OR4K13: variants seen among roughly 807,000 people sequenced by gnomAD.
OR4K13 encodes the protein olfactory receptor 4K13.
For missense variants in OR4K13, 403 were observed against 366.0 expected (o/e 1.10, Z -0.82); for synonymous variants, 160 against 134.8 (o/e 1.19, Z -1.30).
At position 20,033,915 on chromosome 14, in the gene OR4K13, A is replaced by G; in HGVS notation, c.844T>C (p.Leu282=). Residue 282 remains leucine (L), a synonymous_variant, in exon 2 of 2, where the codon TTA becomes CTA. Transcript: ENST00000641904. ...SVFYTIFTPL[L]NPIIYTLRNQ... is the part of the protein sequence containing the mutation. ...CTTAATGTATAAATAATAGGATTTA[A>G]GAGAGGTGTGAAAATTGTGTAAAAC... is the stretch of plus-strand genomic sequence containing the variant. 1 of 1,595,980 alleles carries G rather than the reference A, an allele frequency of 6.3e-7. No individual in the cohort carries two copies. Among genetic ancestry groups the G allele is most frequent in the Non-Finnish European group, 8.6e-7 (1 of 1,163,708 alleles).
At position 20,034,249 on chromosome 14, in the gene OR4K13, A is replaced by C; in HGVS notation, c.510T>G (p.Gly170=). ...MAFMLTLPFC[G]PNVIDSFFCD... ...AGAAAAAGCTGTCTATAACATTGGG[A>C]CCACAGAAGGGCAAAGTCAACATGA... Residue 170 remains glycine, a synonymous_variant, in exon 2 of 2, where the codon GGT becomes GGG. Coordinates refer to ENST00000641904, the MANE Select transcript of OR4K13 (RefSeq NM_001004714.2). The C allele has an allele frequency of 6.2e-7, 1 of 1,614,174 alleles. No individual in the cohort carries two copies. The highest frequency in any genetic ancestry group is 8.5e-7 in the Non-Finnish European group (1 of 1,180,034).
chr14:20,034,109 G>A lies in OR4K13; in HGVS notation c.650C>T (p.Ser217Phe), dbSNP rs1183363473. Residue 217 changes from serine (S) to phenylalanine (F), a missense_variant, in exon 2 of 2, where the codon TCC becomes TTC. Coordinates refer to ENST00000641904, the MANE Select transcript of OR4K13 (RefSeq NM_001004714.2). ...SLVCFLLLLV[S>F]YGVIIFSVRY... is the part of the protein sequence containing the mutation. The stretch of plus-strand genomic sequence containing the variant: ...AACTGAGAATATTATGACTCCATAG[G>A]AGACAAGCAAGAGGAGGAAGCAGAC... 1.9e-6 allele frequency: 3 copies of A among 1,613,996 alleles called. No homozygotes were observed. The highest frequency in any genetic ancestry group is 2.5e-6 in the Non-Finnish European group (3 of 1,180,028).
rs960843807 is a variant in OR4K13 at position 20,033,158 on chromosome 14, T to C, written c.*686A>G. On this transcript the variant is annotated 3_prime_UTR_variant, in exon 2 of 2. Transcript: ENST00000641904. ...GCTCGATCTATCCATAGGCTGTAAGTTCCTTGAAGGCCTGGCTATATCTTC... is the reference window on the plus strand; with the variant it reads ...GCTCGATCTATCCATAGGCTGTAAGCTCCTTGAAGGCCTGGCTATATCTTC... 6.6e-6 allele frequency: 1 copy of C among 152,244 alleles called. No homozygotes were observed. Among genetic ancestry groups the C allele is most frequent in the Non-Finnish European group, 1.5e-5 (1 of 68,082 alleles). 9.4% of individuals were successfully genotyped at this position (152,244 alleles called of 1,614,324 possible).
rs759397011 is a variant in OR4K13, at chr14:20,034,168, G to A, written c.591C>T (p.Leu197=). The change falls in exon 2 of 2, where the codon CTC becomes CTT. Residue 197 remains leucine (L), a synonymous_variant. Coordinates refer to ENST00000641904, the MANE Select transcript of OR4K13 (RefSeq NM_001004714.2). ...LACKDTYILQ[L]LVIADSGLLS... The stretch of plus-strand genomic sequence containing the variant: ...GGAGCCCACTGTCAGCAATGACCAG[G>A]AGCTGTAGGATGTAGGTGTCCTTGC... 6.2e-7 allele frequency: 1 copy of A among 1,614,130 alleles called. No homozygotes were observed.
In OR4K13 at chr14:20,034,816, A is replaced by G; in HGVS notation, c.-58T>C. The G allele has an allele frequency of 7.4e-7, 1 of 1,358,546 alleles. No individual in the cohort carries two copies. The highest frequency in any genetic ancestry group is 1.0e-6 in the Non-Finnish European group (1 of 991,400). The allele number at this position is 1,358,546 out of a possible 1,614,324, so 84.2% of individuals were successfully genotyped here. On this transcript the variant is annotated 5_prime_UTR_variant, in exon 2 of 2. Transcript: ENST00000641904. ...AGTGAGAATAAGGGGTAGGGAAATG[A>G]TGCATATTGGAAAGAAATGTTCATG... is the stretch of plus-strand genomic sequence containing the variant.
rs1877424084 is a variant in OR4K13, at chr14:20,031,783, C to A, written c.*2061G>T. The A allele has an allele frequency of 6.7e-6, 1 of 149,856 alleles. No homozygotes were observed. The highest frequency in any genetic ancestry group is 2.5e-5 in the African/African-American group (1 of 40,634). 9.3% of individuals were successfully genotyped at this position (149,856 alleles called of 1,614,324 possible). A position where few individuals can be genotyped will look rare whatever the true frequency, so the allele number is the denominator to read the frequency against. On this transcript the variant is annotated 3_prime_UTR_variant, in exon 2 of 2. Transcript: ENST00000641904. Reference sequence around the variant, plus strand: ...CCAGCTGAAGTCTCCCCCGCCTCCCCCCACCCCGAGCCCCCAACACACCCA... The same window carrying A: ...CCAGCTGAAGTCTCCCCCGCCTCCCACCACCCCGAGCCCCCAACACACCCA...
Position 20,034,123 on chromosome 14 carries a change from G to A in OR4K13, c.636C>T (p.Leu212=). 2 of 1,614,102 alleles carry A rather than the reference G, an allele frequency of 1.2e-6. No homozygotes were observed. The highest frequency in any genetic ancestry group is 2.2e-5 in the East Asian group (1 of 44,870). ...DSGLLSLVCF[L]LLLVSYGVII... ...TGACTCCATAGGAGACAAGCAAGAG[G>A]AGGAAGCAGACCAGTGACAGGAGCC... The change falls in exon 2 of 2, where the codon CTC becomes CTT. Residue 212 remains leucine (L), a synonymous_variant. Transcript: ENST00000641904.
At position 20,029,741 on chromosome 14, in the gene OR4K13, T is replaced by A. The variant is rs1877372517; in HGVS notation, c.*4103A>T. Reference sequence around the variant, plus strand: ...GAGTTCGAGACCAGCCTGGCCAATATGACAAAACTTTGTCTCTACCAAAAA... The same window carrying A: ...GAGTTCGAGACCAGCCTGGCCAATAAGACAAAACTTTGTCTCTACCAAAAA... On this transcript the variant is annotated 3_prime_UTR_variant, in exon 2 of 2. Transcript: ENST00000641904. 6.6e-6 allele frequency: 1 copy of A among 152,020 alleles called. No individual in the cohort carries two copies. The highest frequency in any genetic ancestry group is 2.1e-4 in the South Asian group (1 of 4,826). The allele number at this position is 152,020 out of a possible 1,614,324, so 9.4% of individuals were successfully genotyped here.
chr14:20,035,000 A>C lies in OR4K13; in HGVS notation c.-223-19T>G. 2 of 452,410 alleles carry C rather than the reference A, an allele frequency of 4.4e-6. No homozygotes were observed. The highest frequency in any genetic ancestry group is 3.9e-6 in the Non-Finnish European group (1 of 255,152). The allele number at this position is 452,410 out of a possible 1,614,324, so 28.0% of individuals were successfully genotyped here. On this transcript the variant is annotated intron_variant, in intron 1 of 1. Coordinates refer to ENST00000641904, the MANE Select transcript of OR4K13 (RefSeq NM_001004714.2). ...TAAGTTTCTGGAAGACAAAAATAAA[A>C]ACATTAATAGTACATGAAACCACAA...
chr14:20,035,110 C>G (rs1272774489), intron 1 of OR4K13, 129 bp from the exon 2 acceptor site: 1 of 185,512 alleles, frequency 5.4e-6, no homozygotes, highest in African/African-American at 2.4e-5. Context: ...ACAAGTAACT[C>G]TCCTTTTGAG....
In OR4K13 at chr14:20,034,033, A is replaced by G; in HGVS notation, c.726T>C (p.Ala242=). ...AGAACAGAGTCACAACTGTGATGTG[A>G]GCTGAGAGAGTGGAGAAAGCCTTAG... ...RSSKAFSTLS[A]HITVVTLFFA... Residue 242 remains alanine (A), a synonymous_variant, in exon 2 of 2, where the codon GCT becomes GCC. Transcript: ENST00000641904. 1.2e-6 allele frequency: 2 copies of G among 1,614,176 alleles called. No individual in the cohort carries two copies. Among genetic ancestry groups the G allele is most frequent in the Non-Finnish European group, 1.7e-6 (2 of 1,180,018 alleles).
At position 20,034,677 on chromosome 14, in the gene OR4K13, A is replaced by G; in HGVS notation, c.82T>C (p.Phe28Leu). 6.2e-7 allele frequency: 1 copy of G among 1,613,776 alleles called. No homozygotes were observed. Among genetic ancestry groups the G allele is most frequent in the Non-Finnish European group, 8.5e-7 (1 of 1,179,896 alleles). Residue 28 changes from phenylalanine (F) to leucine (L), a missense_variant, in exon 2 of 2, where the codon TTC (phenylalanine) becomes CTC (leucine). By Grantham distance (22) the Phe-to-Leu change is conservative (BLOSUM62 0). Coordinates refer to ENST00000641904, the MANE Select transcript of OR4K13 (RefSeq NM_001004714.2). The stretch of plus-strand genomic sequence containing the variant: ...ACGAAGACCACAGAGAATCCCAAGA[A>G]GAATAAAATCTGAAGATTTTGAGAT... ...SKSQNLQILF[F>L]LGFSVVFVGI...
In OR4K13 at chr14:20,034,846, T is replaced by C. The variant is rs1176857390; in HGVS notation, c.-88A>G. ...TATTGGAAAGAAATGTTCATGTTGA[T>C]GTCCACATTTGGTACTCAGTCAAGG... On this transcript the variant is annotated 5_prime_UTR_variant, in exon 2 of 2. Transcript: ENST00000641904. 5 of 1,102,890 alleles carry C rather than the reference T, an allele frequency of 4.5e-6. No homozygotes were observed. The East Asian group carries it at 1.2e-4, about 27-fold the overall frequency. The allele number at this position is 1,102,890 out of a possible 1,614,324, so 68.3% of individuals were successfully genotyped here.
rs995758078 is a variant in OR4K13, at chr14:20,030,418, G to C, written c.*3426C>G. ...AGCTCACAAAACCATACACTAAAGAGTCATTTTTTCTATATGTAAACTGTA... is the reference window on the plus strand; with the variant it reads ...AGCTCACAAAACCATACACTAAAGACTCATTTTTTCTATATGTAAACTGTA... On this transcript the variant is annotated 3_prime_UTR_variant, in exon 2 of 2. Transcript: ENST00000641904. The C allele has an allele frequency of 2.0e-5, 3 of 151,892 alleles. No individual in the cohort carries two copies. Among genetic ancestry groups the C allele is most frequent in the Non-Finnish European group, 4.4e-5 (3 of 67,966 alleles). The allele number at this position is 151,892 out of a possible 1,614,324, so 9.4% of individuals were successfully genotyped here.
At position 20,034,957 on chromosome 14, in the gene OR4K13, T is replaced by A. The variant is rs1315452536; in HGVS notation, c.-199A>T. The A allele has an allele frequency of 1.8e-6, 1 of 541,468 alleles. No homozygotes were observed. Among genetic ancestry groups the A allele is most frequent in the African/African-American group, 1.9e-5 (1 of 52,436 alleles). 33.5% of individuals were successfully genotyped at this position (541,468 alleles called of 1,614,324 possible). ...TGGCCCAGAGAAGTATCCCAAATAGTCAGTAGAATTCAGAATATAAGTTTC... is the reference window on the plus strand; with the variant it reads ...TGGCCCAGAGAAGTATCCCAAATAGACAGTAGAATTCAGAATATAAGTTTC... On this transcript the variant is annotated 5_prime_UTR_variant, in exon 2 of 2. The change abolishes the stop of an existing upstream ORF in the 5' untranslated region. Coordinates refer to ENST00000641904, the MANE Select transcript of OR4K13 (RefSeq NM_001004714.2).
Position 20,034,238 on chromosome 14 carries a change from A to G in OR4K13, c.521T>C (p.Ile174Thr), listed in dbSNP as rs777491787. 2 of 1,614,182 alleles carry G rather than the reference A, an allele frequency of 1.2e-6. No individual in the cohort carries two copies. Among genetic ancestry groups the G allele is most frequent in the South Asian group, 2.2e-5 (2 of 91,084 alleles). ...LTLPFCGPNV[I>T]DSFFCDLPLV... ...GGGAAGGTCACAGAAAAAGCTGTCT[A>G]TAACATTGGGACCACAGAAGGGCAA... The change falls in exon 2 of 2, where the codon ATA becomes ACA. Residue 174 changes from isoleucine to threonine, a missense_variant. By Grantham distance (89) the Ile-to-Thr change is moderately conservative. Coordinates refer to ENST00000641904, the MANE Select transcript of OR4K13 (RefSeq NM_001004714.2).
rs1406073943 is a variant in OR4K13, at chr14:20,032,873, T to G, written c.*971A>C. On this transcript the variant is annotated 3_prime_UTR_variant, in exon 2 of 2. Transcript: ENST00000641904. ...AGACTACATTTGACCTACCTCTCTA[T>G]CTCATCTCTCAACATCATAGCCCAT... 4 of 152,172 alleles carry G rather than the reference T, an allele frequency of 2.6e-5. No individual in the cohort carries two copies. The highest frequency in any genetic ancestry group is 1.5e-5 in the Non-Finnish European group (1 of 68,040). 9.4% of individuals were successfully genotyped at this position (152,172 alleles called of 1,614,324 possible).
chr14:20,031,532 T>A lies in OR4K13; in HGVS notation c.*2312A>T, dbSNP rs1041329689. The A allele has an allele frequency of 6.6e-6, 1 of 152,158 alleles. No individual in the cohort carries two copies. The highest frequency in any genetic ancestry group is 2.4e-5 in the African/African-American group (1 of 41,434). 9.4% of individuals were successfully genotyped at this position (152,158 alleles called of 1,614,324 possible). Reference sequence around the variant, plus strand: ...GGCATAAGAAATACATAATAGTAGTTGGTAGCTTTTTTCTTGACATAAGAA... The same window carrying A: ...GGCATAAGAAATACATAATAGTAGTAGGTAGCTTTTTTCTTGACATAAGAA... On this transcript the variant is annotated 3_prime_UTR_variant, in exon 2 of 2. Transcript: ENST00000641904.
chr14:20,034,478 C>T lies in OR4K13; in HGVS notation c.281G>A (p.Trp94Ter). The change falls in exon 2 of 2, where the codon TGG (tryptophan) becomes TAG (stop). Residue 94 changes from tryptophan to a stop codon, truncating the protein, a stop_gained. Coordinates refer to ENST00000641904, the MANE Select transcript of OR4K13 (RefSeq NM_001004714.2). LOFTEE classifies it low-confidence loss of function (END_TRUNC). ...DFLRERKTIS[W>*]WGCYSQMFFM... ...GAACATCTGGGAATAACATCCCCAC[C>T]ATGAGATGGTCTTACGTTCTCGGAG... 6.2e-7 allele frequency: 1 copy of T among 1,613,940 alleles called. No individual in the cohort carries two copies. The highest frequency in any genetic ancestry group is 1.6e-4 in the Middle Eastern group (1 of 6,062).
Sources: allele counts gnomAD v4.1 joint callset, GRCh38; gene constraint gnomAD v4.1.1; transcripts MANE v1.5; gene names NCBI Gene and HGNC (gene_info 2026-07-23, HGNC 2026-07-21).